The following SLC35D4 variants were observed in gnomAD, a reference collection of about 807,000 sequenced individuals.
SLC35D4 encodes the protein UDP-N-acetylglucosamine transporter SLC35D4.
the SLC35D4 span, among the ~76,000 whole-genome samples, chr18:23,411,880 A>G: frequency 6.6e-6 from 1 of 152,362 alleles, no homozygotes; most frequent in African/African-American, 2.4e-5. Context: ...TAGAGCATGC[A>G]TTATTGAGAG....
At chr18:23,266,054 G>A in the SLC35D4 span, among the ~76,000 whole-genome samples, 3 of 152,144 alleles carry the variant, frequency 2.0e-5, no homozygotes, top group African/African-American at 7.2e-5. Flanking sequence ...TGGAGAGAGT[G>A]ACAGATACTC....
chr18:23,378,882 T>C, the SLC35D4 span, among the ~76,000 whole-genome samples: 6 of 152,330 alleles, frequency 3.9e-5, 1 homozygote, highest in East Asian at 9.6e-4. Context: ...TAAGTTTTCA[T>C]GTGTGCCTAA....
chr18:23,371,458 C>A, the SLC35D4 span: 1 of 1,595,612 alleles, frequency 6.3e-7, no homozygotes, highest in Non-Finnish European at 8.5e-7. Context: ...CAAAAATATC[C>A]ATCTGGATTA....
the SLC35D4 span, among the ~76,000 whole-genome samples, chr18:23,320,510 T>C: frequency 6.6e-6 from 1 of 152,216 alleles, no homozygotes; most frequent in Admixed American, 6.5e-5. Flanking sequence ...GATTATCAGT[T>C]ATGCTTTCCT....
At chr18:23,395,472 G>C in the SLC35D4 span, among the ~76,000 whole-genome samples, 1 of 152,198 alleles carries the variant, frequency 6.6e-6, no homozygotes, top group African/African-American at 2.4e-5. Flanking sequence ...GAAGGACCAA[G>C]ATCAAAGAGC....
chr18:23,385,917 G>A, the SLC35D4 span, among the ~76,000 whole-genome samples: 1 of 151,846 alleles, frequency 6.6e-6, no homozygotes, highest in African/African-American at 2.4e-5. Context: ...GAATCACGAG[G>A]TCAGGAGATC....
chr18:23,302,419 C>T, the SLC35D4 span, among the ~76,000 whole-genome samples: 1 of 152,074 alleles, frequency 6.6e-6, no homozygotes, highest in African/African-American at 2.4e-5. Context: ...GGGGTGCTAC[C>T]GGCATCTAGC....
At chr18:23,273,752 C>A in the SLC35D4 span, among the ~76,000 whole-genome samples, 18 of 152,210 alleles carry the variant, frequency 1.2e-4, no homozygotes, top group Admixed American at 4.6e-4. Flanking sequence ...AAGTCTCCTG[C>A]CACCTAAAGC....
the SLC35D4 span, among the ~76,000 whole-genome samples, chr18:23,382,165 G>A: frequency 4.0e-5 from 6 of 150,870 alleles, no homozygotes; most frequent in African/African-American, 4.9e-5. Context: ...GCTTGAACCC[G>A]GGCAGCGTAG....
At chr18:23,355,894 T>A in the SLC35D4 span, among the ~76,000 whole-genome samples, 1 of 152,182 alleles carries the variant, frequency 6.6e-6, no homozygotes, top group East Asian at 1.9e-4. Flanking sequence ...AGTCTTTCTA[T>A]CATATCGGGA....
the SLC35D4 span, among the ~76,000 whole-genome samples, chr18:23,421,815 T>C: frequency 6.6e-6 from 1 of 152,004 alleles, no homozygotes; most frequent in South Asian, 2.1e-4. Flanking sequence ...TAGCTGGGAT[T>C]ACAGGTGCGT....
At chr18:23,371,086 CCT>C in the SLC35D4 span, among the ~76,000 whole-genome samples, 9 of 143,022 alleles carry the variant, frequency 6.3e-5, no homozygotes, top group East Asian at 2.0e-4. Flanking sequence ...TCCCTCTCTC[CCT>C]CTCTCTCTCT....
the SLC35D4 span, among the ~76,000 whole-genome samples, chr18:23,367,475 G>T: frequency 6.6e-6 from 1 of 152,132 alleles, no homozygotes; most frequent in Admixed American, 6.5e-5. Flanking sequence ...GCTGGGGGAC[G>T]GGAGGGGTTT....
the SLC35D4 span, among the ~76,000 whole-genome samples, chr18:23,429,333 T>A: frequency 6.6e-6 from 1 of 152,204 alleles, no homozygotes; most frequent in Admixed American, 6.5e-5. Context: ...CGTTTCCTTT[T>A]TTCCAAAACT....
chr18:23,294,991 AG>A, the SLC35D4 span, among the ~76,000 whole-genome samples: 1 of 152,110 alleles, frequency 6.6e-6, no homozygotes, highest in African/African-American at 2.4e-5. Flanking sequence ...GCACTTGGAA[AG>A]ACAGGTATAA....
the SLC35D4 span, chr18:23,356,580 G>A: frequency 1.2e-6 from 2 of 1,613,368 alleles, no homozygotes; most frequent in African/African-American, 1.3e-5. This position sits in a 1 kb window ranked among gnomAD's most constrained non-coding sequence, Gnocchi z 4.1. Flanking sequence ...ACAAATGAGT[G>A]AGCTTACGAT....
At chr18:23,271,810 C>T in the SLC35D4 span, among the ~76,000 whole-genome samples, 2 of 152,076 alleles carry the variant, frequency 1.3e-5, no homozygotes, top group East Asian at 1.9e-4. Flanking sequence ...TACATAATGA[C>T]GTTTCCATTA....
At chr18:23,322,306 T>C in the SLC35D4 span, among the ~76,000 whole-genome samples, 1 of 152,206 alleles carries the variant, frequency 6.6e-6, no homozygotes, top group Admixed American at 6.5e-5. Flanking sequence ...CAGGGTTGAG[T>C]GTTTTTGATT....
At chr18:23,312,545 T>C in the SLC35D4 span, among the ~76,000 whole-genome samples, 3 of 152,160 alleles carry the variant, frequency 2.0e-5, no homozygotes, top group Non-Finnish European at 4.4e-5. Context: ...CTGTAGAGAA[T>C]GTAGACTGAA....
Sources: allele counts gnomAD v4.1 joint callset (sites outside exome capture counted in the v4.1 genomes callset), GRCh38; gene constraint gnomAD v4.1.1; non-coding constraint Gnocchi (gnomAD v3.1); transcripts MANE v1.5; gene names NCBI Gene and HGNC (gene_info 2026-07-23, HGNC 2026-07-21).